The following ACTR1B variants were observed in gnomAD, a reference collection of about 807,000 sequenced individuals.
ACTR1B encodes the protein beta-centractin.
ACTR1B carries 34 observed loss-of-function variants against 49.4 expected under a neutral mutation model. That is an observed-to-expected ratio of 0.69 (90% confidence interval 0.52 to 0.92). The LOEUF is 0.92. ACTR1B is among the 40% of genes least tolerant of loss of function. The pLI is 0.00. For missense variants in ACTR1B, 471 were observed against 522.4 expected, an observed-to-expected ratio of 0.90 and a Z score of 0.96; for synonymous variants, 207 against 207.8, an observed-to-expected ratio of 1.00 and a Z score of 0.03.
In ACTR1B at chr2:97,659,096, G is replaced by C; in HGVS notation, c.316-93C>G. The C allele has an allele frequency of 6.3e-7, 1 of 1,583,780 alleles. No individual in the cohort carries two copies. The highest frequency in any genetic ancestry group is 8.6e-7 in the Non-Finnish European group (1 of 1,160,550). On this transcript the variant is annotated intron_variant, in intron 4 of 10. Coordinates refer to ENST00000289228, the MANE Select transcript of ACTR1B (RefSeq NM_005735.4). The surrounding 1 kb of genome is among the most constrained non-coding windows in gnomAD (Gnocchi z 4.0). The stretch of plus-strand genomic sequence containing the variant: ...AGAGAACCACACCCGCTGGCGCACA[G>C]GCAGCTCAGCCTCCTACCCCTCCTG...
rs1169019015 is a variant in ACTR1B at position 97,661,927 on chromosome 2, G to A, written c.68C>T (p.Ala23Val). ...GGGAATCTGGTCTCCTGCAAAGCCA[G>A]CTTTAATCACCCCCGAACCCTGCAA... ...VIDNGSGVIK[A>V]GFAGDQIPKY... Residue 23 changes from alanine to valine, a missense_variant, in exon 2 of 11, where the codon GCT (alanine) becomes GTT (valine). Ala to Val is a moderately conservative substitution (Grantham distance 64). Transcript: ENST00000289228. 2 of 1,595,902 alleles carry A rather than the reference G, an allele frequency of 1.3e-6. No individual in the cohort carries two copies. Among genetic ancestry groups the A allele is most frequent in the Non-Finnish European group, 1.7e-6 (2 of 1,169,748 alleles).
rs1675111951 is a variant in ACTR1B at position 97,663,993 on chromosome 2, G to C, written c.-103C>G. 1.5e-6 allele frequency: 1 copy of C among 677,324 alleles called. No individual in the cohort carries two copies. The highest frequency in any genetic ancestry group is 1.9e-5 in the African/African-American group (1 of 51,466). The allele number at this position is 677,324 out of a possible 1,614,324, so 42.0% of individuals were successfully genotyped here. A position where few individuals can be genotyped will look rare whatever the true frequency, so the allele number is the denominator to read the frequency against. On this transcript the variant is annotated 5_prime_UTR_variant, in exon 1 of 11. Transcript: ENST00000289228. ...CGGCGGCGGCTCCCGACGCGGCGCC[G>C]CTGCCCTCCCTCCCCGAGCCTGCAG...
chr2:97,663,848 C>T lies in ACTR1B; in HGVS notation c.43G>A (p.Asp15Asn). 1.4e-6 allele frequency: 2 copies of T among 1,422,448 alleles called. No homozygotes were observed. Among genetic ancestry groups the T allele is most frequent in the Admixed American group, 2.3e-5 (1 of 43,812 alleles). 88.1% of individuals were successfully genotyped at this position (1,422,448 alleles called of 1,614,324 possible). A position where few individuals can be genotyped will look rare whatever the true frequency, so the allele number is the denominator to read the frequency against. Residue 15 changes from aspartate (D) to asparagine (N), a missense_variant, in exon 1 of 11, where the codon GAC (aspartate) becomes AAC (asparagine). Asp to Asn is a conservative substitution (Grantham distance 23, BLOSUM62 1). Coordinates refer to ENST00000289228, the MANE Select transcript of ACTR1B (RefSeq NM_005735.4). ...CCCTGGCTGCCGGGCCTCACGTTGT[C>T]GATGACCACAGGCTGGTTGGCGATG... is the stretch of plus-strand genomic sequence containing the variant. ...DIIANQPVVI[D>N]NGSGVIKAGF... is the part of the protein sequence containing the mutation.
At position 97,657,617 on chromosome 2, in the gene ACTR1B, A is replaced by G. The variant is rs1218388089; in HGVS notation, c.926-108T>C. On this transcript the variant is annotated intron_variant, in intron 8 of 10. Transcript: ENST00000289228. The stretch of plus-strand genomic sequence containing the variant: ...CAGCTACTGCTGGTCCTCTATCAGC[A>G]GCTCTTCCCAGGATGAAGGGCAAGG... 14 of 1,164,370 alleles carry G rather than the reference A, an allele frequency of 1.2e-5. No individual in the cohort carries two copies. In the East Asian group the frequency reaches 2.8e-4, roughly 23 times the overall value. The allele number at this position is 1,164,370 out of a possible 1,614,324, so 72.1% of individuals were successfully genotyped here. A position where few individuals can be genotyped will look rare whatever the true frequency, so the allele number is the denominator to read the frequency against.
At chr2:97,660,928 C>T (rs574664110) in intron 2 of ACTR1B, among the ~76,000 whole-genome samples, 2 of 152,192 alleles carry the variant, frequency 1.3e-5, no homozygotes, top group East Asian at 3.9e-4. Flanking sequence ...TGCAGAGGGT[C>T]GGCTTCCTGC....
At position 97,659,519 on chromosome 2, in the gene ACTR1B, C is replaced by G. The variant is rs368233627; in HGVS notation, c.190-42G>C. On this transcript the variant is annotated intron_variant, in intron 3 of 10. Coordinates refer to ENST00000289228, the MANE Select transcript of ACTR1B (RefSeq NM_005735.4). The surrounding 1 kb of genome is among the most constrained non-coding windows in gnomAD (Gnocchi z 4.0). ...GGAGGTGTGGCACCCGGCCCTTGCT[C>G]AGCGGCTGCTTTCCGCCCTCCTGGA... 21 of 1,608,032 alleles carry G rather than the reference C, an allele frequency of 1.3e-5. No homozygotes were observed. In the African/African-American group the frequency reaches 2.7e-4, roughly 20 times the overall value.
At chr2:97,661,370 T>C (rs1170413838) in intron 2 of ACTR1B, among the ~76,000 whole-genome samples, 1 of 152,214 alleles carries the variant, frequency 6.6e-6, no homozygotes, top group Non-Finnish European at 1.5e-5. Flanking sequence ...AATGGGCTCG[T>C]GGTGGGTGCA....
At position 97,658,442 on chromosome 2, in the gene ACTR1B, G is replaced by C. The variant is rs141360477; in HGVS notation, c.642C>G (p.Val214=). The C allele has an allele frequency of 6.2e-7, 1 of 1,614,058 alleles. No homozygotes were observed. The highest frequency in any genetic ancestry group is 8.5e-7 in the Non-Finnish European group (1 of 1,179,998). Residue 214 remains valine, a synonymous_variant, in exon 6 of 11, where the codon GTC becomes GTG. Transcript: ENST00000289228. The surrounding 1 kb of genome is among the most constrained non-coding windows in gnomAD (Gnocchi z 5.9). The part of the protein sequence containing the change: ...DFHTSAEFEV[V]RTIKERACYL... ...CCCTTGTCACCTCTTTGATTGTCCG[G>C]ACAACCTCAAACTCAGCCGAGGTAT...
At position 97,658,741 on chromosome 2, in the gene ACTR1B, A is replaced by G. The variant is rs1468671886; in HGVS notation, c.441-98T>C. 5.7e-6 allele frequency: 9 copies of G among 1,578,722 alleles called. No homozygotes were observed. The highest frequency in any genetic ancestry group is 1.7e-4 in the Middle Eastern group (1 of 5,998). On this transcript the variant is annotated intron_variant, in intron 5 of 10. Coordinates refer to ENST00000289228, the MANE Select transcript of ACTR1B (RefSeq NM_005735.4). The surrounding 1 kb of genome is among the most constrained non-coding windows in gnomAD (Gnocchi z 5.9). ...TGGCACATCTGCATTATCTAGTCTG[A>G]AGAGAGGACACGAGGGACTCCCTAG...
Position 97,658,528 on chromosome 2 carries a change from C to T in ACTR1B, c.556G>A (p.Ala186Thr). 6.2e-7 allele frequency: 1 copy of T among 1,614,116 alleles called. No homozygotes were observed. Among genetic ancestry groups the T allele is most frequent in the Non-Finnish European group, 8.5e-7 (1 of 1,180,018 alleles). The part of the protein sequence containing the change: ...MPHSIMRVDI[A>T]GRDVSRYLRL... ...AGGTAGCGGGAGACGTCGCGGCCGG[C>T]AATGTCCACCCGCATGATGGAGTGA... Residue 186 changes from alanine (A) to threonine (T), a missense_variant, in exon 6 of 11, where the codon GCC (alanine) becomes ACC (threonine). Transcript: ENST00000289228. This position sits in a 1 kb window ranked among gnomAD's most constrained non-coding sequence, Gnocchi z 5.9.
Position 97,661,935 on chromosome 2 carries a change from C to T in ACTR1B, c.60G>A (p.Val20=), listed in dbSNP as rs1354457656. The T allele has an allele frequency of 1.3e-6, 2 of 1,593,068 alleles. No homozygotes were observed. The highest frequency in any genetic ancestry group is 2.2e-5 in the East Asian group (1 of 44,570). The part of the protein sequence containing the change: ...QPVVIDNGSG[V]IKAGFAGDQI... ...GGTCTCCTGCAAAGCCAGCTTTAAT[C>T]ACCCCCGAACCCTGCAAGGAAAAAC... is the stretch of plus-strand genomic sequence containing the variant. Residue 20 remains valine (V), a synonymous_variant, in exon 2 of 11, where the codon GTG becomes GTA. Transcript: ENST00000289228.
At position 97,658,923 on chromosome 2, in the gene ACTR1B, G is replaced by A; in HGVS notation, c.396C>T (p.Phe132=). ...EKAAEVFFET[F]NVPALFISMQ... ...TGGAGATGAACAGGGCCGGCACGTT[G>A]AAGGTCTCAAAGAACACCTCTGCCG... The change falls in exon 5 of 11, where the codon TTC becomes TTT. Residue 132 remains phenylalanine (F), a synonymous_variant. Coordinates refer to ENST00000289228, the MANE Select transcript of ACTR1B (RefSeq NM_005735.4). This position sits in a 1 kb window ranked among gnomAD's most constrained non-coding sequence, Gnocchi z 5.9. 6.2e-7 allele frequency: 1 copy of A among 1,614,168 alleles called. No homozygotes were observed. The highest frequency in any genetic ancestry group is 1.1e-5 in the South Asian group (1 of 91,088).
At position 97,663,490 on chromosome 2, in the gene ACTR1B, A is replaced by G. The variant is rs957103236; in HGVS notation, c.48+353T>C. On this transcript the variant is annotated intron_variant, in intron 1 of 10. Transcript: ENST00000289228. ...CCAGAGCCAGGGCCGAAGGACGCGG[A>G]AAGGAACTGGTGTGGAAACCTGCCC... Among the ~76,000 whole-genome samples, 10 of 152,302 alleles carry G rather than the reference A, an allele frequency of 6.6e-5. No individual in the cohort carries two copies. In the South Asian group the frequency reaches 2.1e-3, roughly 32 times the overall value.
chr2:97,660,553 C>A lies in ACTR1B; in HGVS notation c.189+18G>T, dbSNP rs771251640. 2 of 1,612,712 alleles carry A rather than the reference C, an allele frequency of 1.2e-6. No homozygotes were observed. The highest frequency in any genetic ancestry group is 3.3e-5 in the Admixed American group (2 of 60,010). On this transcript the variant is annotated intron_variant, in intron 3 of 10. Coordinates refer to ENST00000289228, the MANE Select transcript of ACTR1B (RefSeq NM_005735.4). ...TGAGGACCCCACCCCCAGGGAAAGG[C>A]AGGCTCCTCGGTGTTACCTCTGCTT... is the stretch of plus-strand genomic sequence containing the variant.
At chr2:97,663,731 G>C (rs1459287861) in intron 1 of ACTR1B, 112 bp downstream of exon 1, 4 of 545,622 alleles carry the variant, frequency 7.3e-6, no homozygotes, top group African/African-American at 6.2e-5. Flanking sequence ...CGGGGGCGAC[G>C]GCCACGCAGT....
Position 97,659,753 on chromosome 2 carries a change from T to G in ACTR1B, c.190-276A>C. The G allele has an allele frequency of 2.0e-6, 1 of 506,040 alleles. No individual in the cohort carries two copies. Among genetic ancestry groups the G allele is most frequent in the Non-Finnish European group, 3.5e-6 (1 of 282,016 alleles). The allele number at this position is 506,040 out of a possible 1,614,324, so 31.3% of individuals were successfully genotyped here. ...GCCCCGCAATCTGCAGGCTCTCTTC[T>G]TCCCCATTCTCACTGCCGGCACATC... is the stretch of plus-strand genomic sequence containing the variant. On this transcript the variant is annotated intron_variant, in intron 3 of 10. Transcript: ENST00000289228. This position sits in a 1 kb window ranked among gnomAD's most constrained non-coding sequence, Gnocchi z 4.0.
At chr2:97,662,026 C>A in intron 1 of ACTR1B, 80 bp from the exon 2 acceptor site, 1 of 1,446,830 alleles carries the variant, frequency 6.9e-7, no homozygotes, top group East Asian at 2.5e-5. Flanking sequence ...GAGCTGGCTG[C>A]CCCGTCAAGG....
intron 2 of ACTR1B, among the ~76,000 whole-genome samples, chr2:97,661,454 C>G (rs1265519575): frequency 6.6e-6 from 1 of 152,224 alleles, no homozygotes; most frequent in Non-Finnish European, 1.5e-5. Flanking sequence ...GCAAAGGATC[C>G]CCTCTTAACT....
chr2:97,658,583 A>G lies in ACTR1B; in HGVS notation c.501T>C (p.Ala167=), dbSNP rs761660554. ...TGGCAAAGCCCTCATAGATGGGCAC[A>G]GCATGAGTGACCCCGTCCCCTGAGT... ...VLDSGDGVTH[A]VPIYEGFAMP... Residue 167 remains alanine (A), a synonymous_variant, in exon 6 of 11, where the codon GCT becomes GCC. Coordinates refer to ENST00000289228, the MANE Select transcript of ACTR1B (RefSeq NM_005735.4). This position sits in a 1 kb window ranked among gnomAD's most constrained non-coding sequence, Gnocchi z 5.9. The G allele has an allele frequency of 1.9e-6, 3 of 1,614,086 alleles. No individual in the cohort carries two copies. The highest frequency in any genetic ancestry group is 2.5e-6 in the Non-Finnish European group (3 of 1,180,016).
Sources: allele counts gnomAD v4.1 joint callset (sites outside exome capture counted in the v4.1 genomes callset), GRCh38; gene constraint gnomAD v4.1.1; non-coding constraint Gnocchi (gnomAD v3.1); transcripts MANE v1.5; gene names NCBI Gene and HGNC (gene_info 2026-07-23, HGNC 2026-07-21).